The following CPS1 variants were observed in gnomAD, a reference collection of about 807,000 sequenced individuals.
CPS1 encodes the protein carbamoyl-phosphate synthase [ammonia], mitochondrial.
CPS1 carries 109 observed loss-of-function variants against 174.6 expected under a neutral mutation model. The observed-to-expected ratio is 0.62, with a 90% confidence interval of 0.53 to 0.73. CPS1 has a LOEUF of 0.73. Ranked by LOEUF, CPS1 falls within the 30% of genes least tolerant of loss-of-function variation. CPS1 has a pLI of 0.00. For missense variants in CPS1, 1,689 were observed against 1,821.9 expected (o/e 0.93, Z 1.33); for synonymous variants, 637 against 632.0 (o/e 1.01, Z -0.12).
At chr2:210,501,860 C>T (rs545247808) in intron 1 of CPS1, among the ~76,000 whole-genome samples, 2 of 152,286 alleles carry the variant, frequency 1.3e-5, no homozygotes, top group South Asian at 4.1e-4. Flanking sequence ...ACAGCAGCCT[C>T]CCATTACCCA....
chr2:210,516,427 C>G (rs986261285), intron 1 of CPS1, among the ~76,000 whole-genome samples: 1 of 151,826 alleles, frequency 6.6e-6, no homozygotes, highest in African/African-American at 2.4e-5. Context: ...GCGCCTTTTC[C>G]TCTTTCCCAG....
intron 1 of CPS1, among the ~76,000 whole-genome samples, chr2:210,498,789 G>C (rs1189397902): frequency 2.0e-5 from 3 of 152,148 alleles, no homozygotes; most frequent in Non-Finnish European, 4.4e-5. Context: ...AGATCTGCCT[G>C]GGTGTGGAGT....
At chr2:210,481,529 A>T (rs1694570154) in intron 1 of CPS1, among the ~76,000 whole-genome samples, 1 of 152,172 alleles carries the variant, frequency 6.6e-6, no homozygotes, top group Non-Finnish European at 1.5e-5. Context: ...GCATTGTCCC[A>T]TTCTGATGTG....
chr2:210,540,682 G>C (rs1386589182), intron 1 of CPS1, among the ~76,000 whole-genome samples: 2 of 152,094 alleles, frequency 1.3e-5, no homozygotes, highest in Non-Finnish European at 2.9e-5. Context: ...ACTGAGGTTC[G>C]GAGTTAAAGC....
chr2:210,501,855 A>G (rs1695146469), intron 1 of CPS1, among the ~76,000 whole-genome samples: 1 of 152,162 alleles, frequency 6.6e-6, no homozygotes. Context: ...TCTTTACAGC[A>G]GCCTCCCATT....
At chr2:210,677,351 A>G (rs535154968) in intron 37 of CPS1, among the ~76,000 whole-genome samples, 1 of 152,254 alleles carries the variant, frequency 6.6e-6, no homozygotes, top group East Asian at 1.9e-4. Context: ...ATCAAAGGCC[A>G]TGAATGGCCA....
At chr2:210,659,379 T>G (rs953132687) in intron 31 of CPS1, among the ~76,000 whole-genome samples, 2 of 152,116 alleles carry the variant, frequency 1.3e-5, no homozygotes, top group Admixed American at 6.5e-5. Context: ...ACCAGACTTT[T>G]TAACAGCCCA....
At chr2:210,644,779 G>C (rs2105904130) in intron 25 of CPS1, among the ~76,000 whole-genome samples, 1 of 152,108 alleles carries the variant, frequency 6.6e-6, no homozygotes, top group Non-Finnish European at 1.5e-5. Context: ...TTTTTCTATT[G>C]AAAATAAGTT....
chr2:210,590,293 A>G lies in CPS1; in HGVS notation c.840+59A>G. 23 of 1,608,110 alleles carry G rather than the reference A, an allele frequency of 1.4e-5. 1 individual carries two copies. In the South Asian group the frequency reaches 2.3e-4, roughly 16 times the overall value. Reference sequence around the variant, plus strand: ...TGGGAGGTGGGGGCTTCCGCTCTATACCCTCAAAGGGCTGTGATACATTTT... The same window carrying G: ...TGGGAGGTGGGGGCTTCCGCTCTATGCCCTCAAAGGGCTGTGATACATTTT... On this transcript the variant is annotated intron_variant, in intron 8 of 37. Coordinates refer to ENST00000233072, the MANE Select transcript of CPS1 (RefSeq NM_001875.5).
chr2:210,666,754 G>C (rs1222273959), intron 33 of CPS1, among the ~76,000 whole-genome samples: 1 of 152,192 alleles, frequency 6.6e-6, no homozygotes, highest in Non-Finnish European at 1.5e-5. Context: ...TTGAAGTCAG[G>C]TAGGGTGATG....
intron 18 of CPS1, among the ~76,000 whole-genome samples, chr2:210,607,297 C>T (rs919304331): frequency 1.3e-5 from 2 of 151,852 alleles, no homozygotes; most frequent in Non-Finnish European, 2.9e-5. Context: ...GTGTATAGCC[C>T]TATAGCAAAT....
At chr2:210,481,272 A>C (rs3856348) in intron 1 of CPS1, among the ~76,000 whole-genome samples, 64,315 of 152,078 alleles carry the variant, frequency 0.42, 15,220 homozygotes, top group East Asian at 0.61. Flanking sequence ...CTTTAACGAG[A>C]AAAAAGAAAA....
upstream of CPS1, among the ~76,000 whole-genome samples, chr2:210,552,742 G>C (rs189210820): frequency 4.5e-4 from 68 of 151,936 alleles, no homozygotes; most frequent in African/African-American, 1.6e-3. Flanking sequence ...GACACAGGCT[G>C]TCAGTGTTTC....
chr2:210,594,683 A>G (rs552036574), intron 12 of CPS1, 77 bp downstream of exon 12: 1 of 941,654 alleles, frequency 1.1e-6, no homozygotes, highest in East Asian at 2.5e-5. Context: ...AAACTAAGTG[A>G]TGTAAGGCAT....
chr2:210,517,795 G>T (rs1261397995), intron 1 of CPS1, among the ~76,000 whole-genome samples: 2 of 151,952 alleles, frequency 1.3e-5, no homozygotes, highest in Non-Finnish European at 2.9e-5. Context: ...GCAGTTAGAA[G>T]GATGTCTTAA....
intron 21 of CPS1, among the ~76,000 whole-genome samples, chr2:210,626,058 G>T (rs1247265412): frequency 6.6e-6 from 1 of 152,000 alleles, no homozygotes; most frequent in African/African-American, 2.4e-5. Flanking sequence ...TTTCATTAGG[G>T]AAAGTATCCA....
intron 33 of CPS1, among the ~76,000 whole-genome samples, chr2:210,665,579 G>A (rs1407702235): frequency 4.0e-5 from 6 of 150,476 alleles, no homozygotes; most frequent in Non-Finnish European, 7.4e-5. Flanking sequence ...TGCGGTGTTT[G>A]GTTTTTTGTC....
At chr2:210,574,520 T>C (rs900475078) in intron 2 of CPS1, among the ~76,000 whole-genome samples, 22 of 152,092 alleles carry the variant, frequency 1.4e-4, no homozygotes, top group African/African-American at 5.1e-4. Context: ...TAAATTACAG[T>C]GTATGAAATC....
At chr2:210,541,132 C>T (rs1696410784) in intron 1 of CPS1, among the ~76,000 whole-genome samples, 1 of 152,112 alleles carries the variant, frequency 6.6e-6, no homozygotes, top group African/African-American at 2.4e-5. Flanking sequence ...CGGGAGTGCA[C>T]TCAGTCCAGA....
Sources: allele counts gnomAD v4.1 joint callset (sites outside exome capture counted in the v4.1 genomes callset), GRCh38; gene constraint gnomAD v4.1.1; transcripts MANE v1.5; gene names NCBI Gene and HGNC (gene_info 2026-07-23, HGNC 2026-07-21).